USH2A: variants seen among roughly 807,000 people sequenced by gnomAD.
The protein encoded by USH2A is usherin.
A neutral mutation model predicts 538.9 loss-of-function variants in USH2A; 443 were observed. The observed-to-expected ratio is 0.82, with a 90% confidence interval of 0.76 to 0.89. USH2A has a LOEUF of 0.89. Ranked by LOEUF, USH2A falls within the 40% of genes least tolerant of loss-of-function variation. USH2A has a pLI of 0.00. For missense variants in USH2A, 6,633 were observed against 6,324.8 expected (o/e 1.05, Z -1.65); for synonymous variants, 2,413 against 2,273.5 (o/e 1.06, Z -1.75).
At chr1:216,198,847 A>G (rs2034917668) in intron 17 of USH2A, among the ~76,000 whole-genome samples, 1 of 152,192 alleles carries the variant, frequency 6.6e-6, no homozygotes, top group Non-Finnish European at 1.5e-5. Context: ...ACAAACCAAA[A>G]TGGATAACAC....
At chr1:216,051,917 T>C (rs114954136) in intron 30 of USH2A, among the ~76,000 whole-genome samples, 1 of 152,286 alleles carries the variant, frequency 6.6e-6, no homozygotes, top group African/African-American at 2.4e-5. Flanking sequence ...AATGTTGAAA[T>C]TTTAATTGTT....
chr1:216,388,182 G>A (rs574772839), intron 3 of USH2A, among the ~76,000 whole-genome samples: 1 of 152,184 alleles, frequency 6.6e-6, no homozygotes, highest in Non-Finnish European at 1.5e-5. Flanking sequence ...TGAATTGAAT[G>A]TTCATGTAAG....
chr1:216,102,497 A>G (rs1302353609), intron 21 of USH2A, among the ~76,000 whole-genome samples: 3 of 152,044 alleles, frequency 2.0e-5, no homozygotes, highest in Non-Finnish European at 2.9e-5. Context: ...AACTGACAGT[A>G]TTTATTAAGT....
rs1558030008 is a variant in USH2A, at chr1:215,631,249, G to GTGTGTGTGTGTGTGTGTGTGT, written c.15298-2215_15298-2214insACACACACACACACACACACA. Among the ~76,000 whole-genome samples, 5 of 144,684 alleles carry GTGTGTGTGTGTGTGTGTGTGT rather than the reference G, an allele frequency of 3.5e-5. 1 individual carries two copies. Among genetic ancestry groups the GTGTGTGTGTGTGTGTGTGTGT allele is most frequent in the African/African-American group, 1.1e-4 (4 of 35,578 alleles). 94.9% of individuals were successfully genotyped at this position (144,684 alleles called of 152,430 possible). On this transcript the variant is annotated intron_variant, in intron 70 of 71. Coordinates refer to ENST00000307340, the MANE Select transcript of USH2A (RefSeq NM_206933.4). ...AGAAGTGTGTGTGTGTGTGTGTGTG[G>GTGTGTGTGTGTGTGTGTGTGT]GTGGGTGTTGCAGGGGCATAGCTCA...
chr1:216,301,856 C>T (rs932948552), intron 9 of USH2A, among the ~76,000 whole-genome samples: 1 of 152,114 alleles, frequency 6.6e-6, no homozygotes, highest in African/African-American at 2.4e-5. Context: ...AACCAGCCCC[C>T]TATGTTGGAA....
chr1:215,674,789 T>C lies in USH2A; in HGVS notation c.13122A>G (p.Val4374=). 2 of 1,614,168 alleles carry C rather than the reference T, an allele frequency of 1.2e-6. No homozygotes were observed. The highest frequency in any genetic ancestry group is 2.2e-5 in the East Asian group (1 of 44,854). ...TTTGCACTGTGGGCGGTGACCAACA[T>C]ACATTCATTTGAGTGGCACTGACGG... ...LWAVSATQMN[V]CWSPPTVQNG... Residue 4374 remains valine (V), a synonymous_variant, in exon 63 of 72, where the codon GTA becomes GTG. Transcript: ENST00000307340.
chr1:216,204,385 A>T (rs1430432359), intron 16 of USH2A: 4 of 151,752 alleles, frequency 2.6e-5, no homozygotes, highest in African/African-American at 9.7e-5. Context: ...TTTAAAGTTA[A>T]TTATTCACAA....
chr1:215,840,365 A>C (rs1403401961), intron 46 of USH2A, among the ~76,000 whole-genome samples: 1 of 152,088 alleles, frequency 6.6e-6, no homozygotes, highest in Non-Finnish European at 1.5e-5. Flanking sequence ...TTTGATGTTC[A>C]AATTTCCAGA....
At position 215,887,468 on chromosome 1, in the gene USH2A, G is replaced by A. The variant is rs572905120; in HGVS notation, c.8223+958C>T. 3.3e-5 allele frequency among the ~76,000 whole-genome samples: 5 copies of A among 152,174 alleles called. No homozygotes were observed. In the East Asian group the frequency reaches 5.8e-4, roughly 18 times the overall value. ...GTTCATACAATAAACATCGTATATC[G>A]TGTACTTAAAATTAATTTCCCATTA... On this transcript the variant is annotated intron_variant, in intron 41 of 71. Transcript: ENST00000307340.
intron 16 of USH2A, among the ~76,000 whole-genome samples, chr1:216,202,444 G>A (rs2035020790): frequency 6.6e-6 from 1 of 152,184 alleles, no homozygotes; most frequent in African/African-American, 2.4e-5. Context: ...GAAAGGGTAT[G>A]AATAGGATAT....
At chr1:216,370,115 T>C (rs959326429) in intron 3 of USH2A, among the ~76,000 whole-genome samples, 2 of 151,976 alleles carry the variant, frequency 1.3e-5, no homozygotes, top group African/African-American at 4.8e-5. Context: ...TCCCAGCACT[T>C]TGGGAGGCCG....
intron 22 of USH2A, among the ~76,000 whole-genome samples, chr1:216,091,381 G>T (rs1480754815): frequency 6.6e-6 from 1 of 152,194 alleles, no homozygotes; most frequent in African/African-American, 2.4e-5. Context: ...AATATTATCT[G>T]ATCAAGTATA....
chr1:216,029,611 G>A (rs924047143), intron 32 of USH2A, among the ~76,000 whole-genome samples: 14 of 151,908 alleles, frequency 9.2e-5, no homozygotes, highest in African/African-American at 3.4e-4. Flanking sequence ...TTTAAGCAAG[G>A]TAACTGAAAC....
chr1:216,104,709 A>AT (rs1161367101), intron 21 of USH2A, among the ~76,000 whole-genome samples: 1 of 152,224 alleles, frequency 6.6e-6, no homozygotes, highest in Non-Finnish European at 1.5e-5. Context: ...ACCTAAAAGC[A>AT]TAAAAACCCT....
Position 216,172,596 on chromosome 1 carries a change from C to T in USH2A, c.4627+2656G>A, listed in dbSNP as rs181602168. Among the ~76,000 whole-genome samples the T allele has an allele frequency of 1.9e-3, 292 of 152,104 alleles. 2 individuals are homozygous for T. Among genetic ancestry groups the T allele is most frequent in the South Asian group, 9.1e-3 (44 of 4,818 alleles). Reference sequence around the variant, plus strand: ...ATGTGAGTTGAAAGCACTGTTTTAACGCATAACACTTCAGCCCATTTCACA... The same window carrying T: ...ATGTGAGTTGAAAGCACTGTTTTAATGCATAACACTTCAGCCCATTTCACA... On this transcript the variant is annotated intron_variant, in intron 21 of 71. Transcript: ENST00000307340.
At chr1:216,268,748 C>T (rs1036450418) in intron 11 of USH2A, among the ~76,000 whole-genome samples, 1 of 152,040 alleles carries the variant, frequency 6.6e-6, no homozygotes, top group African/African-American at 2.4e-5. Flanking sequence ...TAGGCTGCTG[C>T]CTCTGCCTAG....
chr1:216,048,735 AAG>A, intron 30 of USH2A, 88 bp from the exon 31 acceptor site: 7 of 1,101,528 alleles, frequency 6.4e-6, no homozygotes, highest in Non-Finnish European at 9.8e-6. Context: ...GTGTGTCTAT[AAG>A]AGAGAGAGAC....
chr1:216,080,889 T>C (rs2031921081), intron 26 of USH2A, among the ~76,000 whole-genome samples: 1 of 151,830 alleles, frequency 6.6e-6, no homozygotes, highest in Non-Finnish European at 1.5e-5. Flanking sequence ...GAAAGTTGAA[T>C]ATGCATGCTT....
At chr1:215,767,005 A>G (rs1007874083) in intron 55 of USH2A, among the ~76,000 whole-genome samples, 8 of 152,182 alleles carry the variant, frequency 5.3e-5, no homozygotes, top group Non-Finnish European at 1.2e-4. Context: ...TCAGCCATAG[A>G]AAAGACCTTA....
Sources: allele counts gnomAD v4.1 joint callset (sites outside exome capture counted in the v4.1 genomes callset), GRCh38; gene constraint gnomAD v4.1.1; transcripts MANE v1.5; gene names NCBI Gene and HGNC (gene_info 2026-07-23, HGNC 2026-07-21).